ATP6V0A1: variants seen among roughly 807,000 people sequenced by gnomAD.
ATP6V0A1 encodes V-type proton ATPase 116 kDa subunit a 1.
In ATP6V0A1, 43 loss-of-function variants were observed where a neutral mutation model predicts 105.4. The observed-to-expected ratio is 0.41, with a 90% CI of 0.32 to 0.53. The LOEUF is 0.53. Among genes scored for constraint, ATP6V0A1 ranks in the 20% least tolerant of loss-of-function variants. The pLI is 0.30. For synonymous variants in ATP6V0A1, 362 were observed against 372.8 expected, an observed-to-expected ratio of 0.97 and a Z score of 0.33; for missense variants, 676 against 1,051.1, an observed-to-expected ratio of 0.64 and a Z score of 4.93.
At chr17:42,501,747 C>T (rs1338040715) in intron 17 of ATP6V0A1, among the ~76,000 whole-genome samples, 3 of 151,394 alleles carry the variant, frequency 2.0e-5, no homozygotes, top group Admixed American at 6.6e-5. Context: ...CATTTGTGGC[C>T]GGGCGCAGTG....
chr17:42,510,001 C>T (rs1334143769), intron 19 of ATP6V0A1: 2 of 152,208 alleles, frequency 1.3e-5, no homozygotes, highest in African/African-American at 4.8e-5. Context: ...AAACATTCAG[C>T]CTACTTCTAG....
At chr17:42,462,998 CTTTTTTTTTTTTTT>C (rs35135162) in intron 2 of ATP6V0A1, among the ~76,000 whole-genome samples, 1 of 66,174 alleles carries the variant, frequency 1.5e-5, no homozygotes, top group Non-Finnish European at 2.6e-5. Context: ...GGATATGGAA[CTTTTTTTTTTTTTT>C]TTTTTTTTTT....
intron 10 of ATP6V0A1, among the ~76,000 whole-genome samples, chr17:42,488,822 G>A (rs986143061): frequency 6.6e-6 from 1 of 151,278 alleles, no homozygotes; most frequent in Admixed American, 6.6e-5. Flanking sequence ...AGACCAGCCT[G>A]GCCAACATGA....
At chr17:42,492,664 T>C (rs1309504273) in intron 11 of ATP6V0A1, among the ~76,000 whole-genome samples, 1 of 139,300 alleles carries the variant, frequency 7.2e-6, no homozygotes, top group East Asian at 2.1e-4. Context: ...CGATATTGCA[T>C]TATTGCACTC....
chr17:42,519,732 C>T (rs1317559519), intron 21 of ATP6V0A1: 1 of 152,286 alleles, frequency 6.6e-6, no homozygotes, highest in Non-Finnish European at 1.5e-5. Flanking sequence ...CAGTTGGAAG[C>T]TCTGTGTCCT....
In ATP6V0A1 at chr17:42,521,823, G is replaced by A. The variant is rs1310530157; in HGVS notation, c.*703G>A. ...CACAGCCGGGATGCTTGGAACAGAG[G>A]CCTTGGCTGCTCCGCAGTGCACAGG... On this transcript the variant is annotated 3_prime_UTR_variant, in exon 22 of 22. Transcript: ENST00000343619. The surrounding 1 kb of genome is among the most constrained non-coding windows in gnomAD (Gnocchi z 4.8). 2 of 152,496 alleles carry A rather than the reference G, an allele frequency of 1.3e-5. No homozygotes were observed. The highest frequency in any genetic ancestry group is 4.8e-5 in the African/African-American group (2 of 41,416). 9.4% of individuals were successfully genotyped at this position (152,496 alleles called of 1,614,324 possible).
intron 3 of ATP6V0A1, among the ~76,000 whole-genome samples, chr17:42,467,391 C>G (rs2087233870): frequency 6.6e-6 from 1 of 152,178 alleles, no homozygotes; most frequent in Admixed American, 6.5e-5. Flanking sequence ...GATCTTGCCA[C>G]TCTACTAAGC....
intron 5 of ATP6V0A1, among the ~76,000 whole-genome samples, chr17:42,472,051 CT>C (rs11428880): frequency 2.5e-3 from 330 of 129,922 alleles, no homozygotes; most frequent in Middle Eastern, 0.012. Context: ...TATAGAGGCC[CT>C]TTTTTTTTTT....
chr17:42,469,727 C>G (rs755040075), intron 4 of ATP6V0A1, among the ~76,000 whole-genome samples: 1 of 152,080 alleles, frequency 6.6e-6, no homozygotes, highest in Non-Finnish European at 1.5e-5. Flanking sequence ...ACTGCAACCT[C>G]CACCTCCCGG....
At chr17:42,500,252 G>T (rs1180801823) in intron 15 of ATP6V0A1, among the ~76,000 whole-genome samples, 1 of 152,128 alleles carries the variant, frequency 6.6e-6, no homozygotes, top group African/African-American at 2.4e-5. Context: ...GCCAAGGCGG[G>T]CAGATCACCT....
chr17:42,482,934 C>A lies in ATP6V0A1; in HGVS notation c.717-104C>A, dbSNP rs1041188340. 4.9e-5 allele frequency: 25 copies of A among 510,574 alleles called. No individual in the cohort carries two copies. In the Admixed American group the frequency reaches 6.0e-4, roughly 12 times the overall value. The allele number at this position is 510,574 out of a possible 1,614,324, so 31.6% of individuals were successfully genotyped here. On this transcript the variant is annotated intron_variant, in intron 8 of 21. Transcript: ENST00000343619. ...AAAAAAAAGTGTTGACTTAATACAT[C>A]GGTCTGACCTAATCCTGTTTTGGTC...
chr17:42,514,347 G>C lies in ATP6V0A1; in HGVS notation c.2307G>C (p.Leu769Phe). 2.5e-6 allele frequency: 4 copies of C among 1,613,620 alleles called. No homozygotes were observed. The highest frequency in any genetic ancestry group is 3.4e-6 in the Non-Finnish European group (4 of 1,179,718). ...ACATCGGCCTGAGCGTGAAGAGCTT[G>C]GCGGGAGGTTTGGTGCTGTTCTTCT... ...VIHIGLSVKS[L>F]AGGLVLFFFF... is the part of the protein sequence containing the mutation. Residue 769 changes from leucine to phenylalanine, a missense_variant, in exon 21 of 22, where the codon TTG becomes TTC. Transcript: ENST00000343619.
intron 5 of ATP6V0A1, among the ~76,000 whole-genome samples, chr17:42,471,600 G>A (rs1345663180): frequency 2.6e-5 from 4 of 152,022 alleles, no homozygotes. Context: ...CAGGCATCGT[G>A]GTGCACACCT....
At chr17:42,488,917 A>G (rs1197782556) in intron 10 of ATP6V0A1, among the ~76,000 whole-genome samples, 2 of 147,340 alleles carry the variant, frequency 1.4e-5, no homozygotes, top group African/African-American at 5.0e-5. Context: ...CAGGAGGCTG[A>G]GGCAGGAGAA....
At chr17:42,492,512 G>A (rs1284017974) in intron 11 of ATP6V0A1, among the ~76,000 whole-genome samples, 2 of 151,632 alleles carry the variant, frequency 1.3e-5, no homozygotes, top group African/African-American at 4.9e-5. Context: ...TTCGAGACCA[G>A]CCTGACCAAC....
At chr17:42,501,949 G>T (rs117275601) in intron 17 of ATP6V0A1, among the ~76,000 whole-genome samples, 3 of 152,034 alleles carry the variant, frequency 2.0e-5, no homozygotes, top group African/African-American at 7.2e-5. Flanking sequence ...TGGAAGGATC[G>T]CTTGAATCTG....
intron 5 of ATP6V0A1, among the ~76,000 whole-genome samples, chr17:42,473,057 C>A (rs1457814573): frequency 6.6e-6 from 1 of 152,170 alleles, no homozygotes; most frequent in Non-Finnish European, 1.5e-5. Flanking sequence ...TTAAAAGGAT[C>A]TGCTGGGTCA....
At chr17:42,473,365 A>G (rs2088259671) in intron 5 of ATP6V0A1, among the ~76,000 whole-genome samples, 2 of 152,366 alleles carry the variant, frequency 1.3e-5, no homozygotes, top group Non-Finnish European at 1.5e-5. Flanking sequence ...TTCACTGAGC[A>G]TATAATGAGC....
At chr17:42,484,733 C>T (rs1420684960) in intron 9 of ATP6V0A1, among the ~76,000 whole-genome samples, 2 of 151,980 alleles carry the variant, frequency 1.3e-5, no homozygotes, top group East Asian at 3.8e-4. Flanking sequence ...GTGATGATTG[C>T]CCCCTTAGAA....
Sources: gnomAD v4.1 joint callset for allele counts (sites outside exome capture counted in the v4.1 genomes callset) on GRCh38, gnomAD v4.1.1 for gene constraint, Gnocchi (gnomAD v3.1) non-coding constraint, MANE v1.5 for transcripts, NCBI Gene and HGNC (gene_info 2026-07-23, HGNC 2026-07-21) for gene names.